The following TTK variants were observed in gnomAD, a reference collection of about 807,000 sequenced individuals.
TTK encodes dual specificity protein kinase TTK.
Under a neutral mutation model 117.3 loss-of-function variants are expected in TTK, and 59 were observed. The ratio of observed to expected loss-of-function variants is 0.50; its 90% CI spans 0.41 to 0.62. TTK has a LOEUF of 0.62. Ranked by LOEUF, TTK falls within the 20% of genes least tolerant of loss-of-function variation. The probability of loss-of-function intolerance (pLI) is 0.00; values close to 1 mark genes in which losing one functional copy is unlikely to be tolerated. For synonymous variants in TTK, 302 were observed against 325.0 expected (o/e 0.93, Z 0.76); for missense variants, 921 against 989.4 (o/e 0.93, Z 0.93).
chr6:80,036,346 T>C, intron 16 of TTK, 129 bp from the exon 17 acceptor site: 1 of 1,089,604 alleles, frequency 9.2e-7, no homozygotes, highest in Non-Finnish European at 1.3e-6. Flanking sequence ...TTGCAGAATA[T>C]ATAAAAAAAT....
At chr6:80,005,759 C>T (rs1202033597) in intron 1 of TTK, 83 bp from the exon 2 acceptor site, 2 of 1,490,932 alleles carry the variant, frequency 1.3e-6, no homozygotes, top group East Asian at 2.3e-5. Flanking sequence ...ATGCTTTAGT[C>T]GTCTGGGTTC....
rs1768008721 is a variant in TTK, at chr6:80,040,181, T to C, written c.2308-15T>C. 6.5e-7 allele frequency: 1 copy of C among 1,535,204 alleles called. No homozygotes were observed. Among genetic ancestry groups the C allele is most frequent in the African/African-American group, 1.4e-5 (1 of 71,338 alleles). On this transcript the variant is annotated splice_polypyrimidine_tract_variant and intron_variant, in intron 19 of 21. Coordinates refer to ENST00000369798, the MANE Select transcript of TTK (RefSeq NM_003318.5). ...CCTGCTTTGTTTTTCTTTTAAAATATCTTTGTTTTAATAGTGTTGTTTAAA... is the reference window on the plus strand; with the variant it reads ...CCTGCTTTGTTTTTCTTTTAAAATACCTTTGTTTTAATAGTGTTGTTTAAA...
Position 80,031,560 on chromosome 6 carries a change from G to C in TTK, c.1614+1G>C. The C allele has an allele frequency of 1.3e-6, 2 of 1,492,146 alleles. No individual in the cohort carries two copies. Among genetic ancestry groups the C allele is most frequent in the South Asian group, 2.8e-5 (2 of 70,196 alleles). 92.4% of individuals were successfully genotyped at this position (1,492,146 alleles called of 1,614,324 possible). A position where few individuals can be genotyped will look rare whatever the true frequency, so the allele number is the denominator to read the frequency against. On this transcript the variant is annotated splice_donor_variant, in intron 14 of 21. Coordinates refer to ENST00000369798, the MANE Select transcript of TTK (RefSeq NM_003318.5). LOFTEE classifies it high-confidence loss of function. ...GATAGGAAGTGGAGGTTCAAGCAAGGTAAGTATCTTAAAATATTTACGAAA... is the reference window on the plus strand; with the variant it reads ...GATAGGAAGTGGAGGTTCAAGCAAGCTAAGTATCTTAAAATATTTACGAAA...
At chr6:80,023,050 T>C (rs1767505507) in intron 11 of TTK, among the ~76,000 whole-genome samples, 1 of 152,226 alleles carries the variant, frequency 6.6e-6, no homozygotes, top group Non-Finnish European at 1.5e-5. Context: ...TCGGAAGGAA[T>C]GATCAAGTAG....
At position 80,011,709 on chromosome 6, in the gene TTK, G is replaced by T. The variant is rs1282853703; in HGVS notation, c.729-20G>T. On this transcript the variant is annotated intron_variant, in intron 6 of 21. Transcript: ENST00000369798. ...TAATATTGTTCTTTGAAAAATTGGG[G>T]GTATTTTCTTTCTGTTTAGAGAGAA... 1 of 1,610,604 alleles carries T rather than the reference G, an allele frequency of 6.2e-7. No individual in the cohort carries two copies. The highest frequency in any genetic ancestry group is 8.5e-7 in the Non-Finnish European group (1 of 1,178,212).
chr6:80,028,989 G>A (rs1767685203), intron 13 of TTK, among the ~76,000 whole-genome samples: 1 of 152,110 alleles, frequency 6.6e-6, no homozygotes, highest in South Asian at 2.1e-4. Context: ...GGATGGTTGT[G>A]AAGATTAAAT....
intron 13 of TTK, among the ~76,000 whole-genome samples, chr6:80,030,993 C>T (rs1766228204): frequency 6.8e-6 from 1 of 147,470 alleles, no homozygotes; most frequent in Non-Finnish European, 1.5e-5. Context: ...TGCAGTGAGC[C>T]GAGATCATGC....
At position 80,036,042 on chromosome 6, in the gene TTK, G is replaced by A. The variant is rs138818222; in HGVS notation, c.1925-433G>A. Among the ~76,000 whole-genome samples, 115 of 152,176 alleles carry A rather than the reference G, an allele frequency of 7.6e-4. 1 individual carries two copies. The highest frequency in any genetic ancestry group is 3.4e-3 in the Middle Eastern group (1 of 294). On this transcript the variant is annotated intron_variant, in intron 16 of 21. Transcript: ENST00000369798. ...GGCTATAGGGGTGGAGATGTCAGGA[G>A]CATTAGGGTCTTACTGTCTGGCAGT...
chr6:80,040,073 A>G, intron 19 of TTK, 123 bp from the exon 20 acceptor site: 1 of 962,180 alleles, frequency 1.0e-6, no homozygotes, highest in Non-Finnish European at 1.4e-6. Flanking sequence ...TCTTGTCATA[A>G]TACTTTAGTG....
At position 80,033,235 on chromosome 6, in the gene TTK, C is replaced by T. The variant is rs566771519; in HGVS notation, c.1614+1676C>T. On this transcript the variant is annotated intron_variant, in intron 14 of 21. Coordinates refer to ENST00000369798, the MANE Select transcript of TTK (RefSeq NM_003318.5). ...GTGAGAACATGAGGTATTTGTCTTT[C>T]TGTATTTAGCCTATTTCAGTTCCTC... 2.0e-5 allele frequency among the ~76,000 whole-genome samples: 3 copies of T among 152,232 alleles called. No homozygotes were observed. In the East Asian group the frequency reaches 5.8e-4, roughly 29 times the overall value.
Position 80,031,564 on chromosome 6 carries a change from G to T in TTK, c.1614+5G>T. On this transcript the variant is annotated splice_donor_5th_base_variant and intron_variant, in intron 14 of 21. Coordinates refer to ENST00000369798, the MANE Select transcript of TTK (RefSeq NM_003318.5). ...GGAAGTGGAGGTTCAAGCAAGGTAA[G>T]TATCTTAAAATATTTACGAAATAAA... is the stretch of plus-strand genomic sequence containing the variant. The T allele has an allele frequency of 6.7e-7, 1 of 1,483,834 alleles. No individual in the cohort carries two copies. Among genetic ancestry groups the T allele is most frequent in the Admixed American group, 2.5e-5 (1 of 39,564 alleles). 91.9% of individuals were successfully genotyped at this position (1,483,834 alleles called of 1,614,324 possible). A position where few individuals can be genotyped will look rare whatever the true frequency, so the allele number is the denominator to read the frequency against.
intron 13 of TTK, among the ~76,000 whole-genome samples, chr6:80,028,961 A>G (rs1036485535): frequency 6.6e-6 from 1 of 152,162 alleles, no homozygotes; most frequent in African/African-American, 2.4e-5. Flanking sequence ...TAAAATTAGT[A>G]AAGCTAACTA....
intron 10 of TTK, among the ~76,000 whole-genome samples, chr6:80,020,692 C>T (rs985116357): frequency 6.6e-6 from 1 of 152,182 alleles, no homozygotes; most frequent in Admixed American, 6.5e-5. Flanking sequence ...CAAAGCTTGA[C>T]GCAGATACAA....
chr6:80,014,572 T>A lies in TTK; in HGVS notation c.1094T>A (p.Leu365Gln). 1 of 1,596,244 alleles carries A rather than the reference T, an allele frequency of 6.3e-7. No individual in the cohort carries two copies. Among genetic ancestry groups the A allele is most frequent in the Non-Finnish European group, 8.5e-7 (1 of 1,172,342 alleles). The stretch of plus-strand genomic sequence containing the variant: ...AAGAATAAAACGGAATCAAGTCTTC[T>A]AGCTAAATTAGAAGGTAAGAGTAAC... ...TLKNKTESSL[L>Q]AKLEETKEYQ... Residue 365 changes from leucine (L) to glutamine (Q), a missense_variant, in exon 10 of 22, where the codon CTA becomes CAA. Leu to Gln is a moderately radical substitution (Grantham distance 113, BLOSUM62 -2). Transcript: ENST00000369798.
In TTK at chr6:80,033,750, G is replaced by T. The variant is rs142011607; in HGVS notation, c.1615-1235G>T. Among the ~76,000 whole-genome samples, 869 of 139,180 alleles carry T rather than the reference G, an allele frequency of 6.2e-3. 2 individuals carry two copies. The highest frequency in any genetic ancestry group is 0.038 in the Middle Eastern group (10 of 262). The allele number at this position is 139,180 out of a possible 152,430, so 91.3% of individuals were successfully genotyped here. ...GTCTTATTAACTTACCAAAAATAAG[G>T]TATGTGCATTACCATGTGTATCAAC... On this transcript the variant is annotated intron_variant, in intron 14 of 21. Transcript: ENST00000369798.
chr6:80,021,063 G>T (rs1767445644), intron 10 of TTK, among the ~76,000 whole-genome samples: 1 of 152,210 alleles, frequency 6.6e-6, no homozygotes, highest in African/African-American at 2.4e-5. Flanking sequence ...CAGATAACTA[G>T]AAAGTGCAGA....
intron 2 of TTK, among the ~76,000 whole-genome samples, chr6:80,007,015 C>T (rs1016325308): frequency 6.6e-6 from 1 of 152,112 alleles, no homozygotes; most frequent in African/African-American, 2.4e-5. Flanking sequence ...AGAAGACTGA[C>T]ATTCAAGTTA....
chr6:80,016,276 C>A (rs151655), intron 10 of TTK, among the ~76,000 whole-genome samples: 11 of 152,142 alleles, frequency 7.2e-5, no homozygotes, highest in African/African-American at 2.7e-4. Context: ...ATGTGTTCAG[C>A]TTTGGAAGAT....
Position 80,007,915 on chromosome 6 carries a change from T to G in TTK, c.246T>G (p.Ala82=), listed in dbSNP as rs755017742. ...AAAACAGTGTTCCGCTAAGTGATGC[T>G]CTTTTAAATAAATTGATTGGTCGTT... is the stretch of plus-strand genomic sequence containing the variant. ...LEKNSVPLSD[A]LLNKLIGRYS... is the part of the protein sequence containing the mutation. Residue 82 remains alanine, a synonymous_variant, in exon 3 of 22, where the codon GCT becomes GCG. Coordinates refer to ENST00000369798, the MANE Select transcript of TTK (RefSeq NM_003318.5). 2.0e-5 allele frequency: 32 copies of G among 1,613,682 alleles called. No homozygotes were observed. In the South Asian group the frequency reaches 3.2e-4, roughly 16 times the overall value.
Sources: gnomAD v4.1 joint callset for allele counts (sites outside exome capture counted in the v4.1 genomes callset) on GRCh38, gnomAD v4.1.1 for gene constraint, MANE v1.5 for transcripts, NCBI Gene and HGNC (gene_info 2026-07-23, HGNC 2026-07-21) for gene names.